ACTA2: variants seen among roughly 807,000 people sequenced by gnomAD.
ACTA2 encodes the protein actin alpha 2, smooth muscle.
A neutral mutation model predicts 39.5 loss-of-function variants in ACTA2; 12 were observed. That is an observed-to-expected ratio of 0.30 (90% CI 0.19 to 0.49). The LOEUF (loss-of-function observed/expected upper bound fraction) is 0.49. ACTA2 is among the 20% of genes least tolerant of loss of function. The probability of loss-of-function intolerance (pLI) is 0.99; values close to 1 mark genes in which losing one functional copy is unlikely to be tolerated. For synonymous variants in ACTA2, 158 were observed against 180.6 expected (o/e 0.88, Z 1.00); for missense variants, 236 against 498.8 (o/e 0.47, Z 5.02).
intron 2 of ACTA2, among the ~76,000 whole-genome samples, chr10:88,947,659 T>C (rs1248097526): frequency 2.0e-5 from 3 of 152,236 alleles, no homozygotes; most frequent in South Asian, 4.1e-4. Flanking sequence ...GATGAGCTTT[T>C]TTAGGGCAGA....
chr10:88,950,224 T>C (rs754761704), intron 1 of ACTA2, among the ~76,000 whole-genome samples: 9 of 152,178 alleles, frequency 5.9e-5, no homozygotes, highest in Non-Finnish European at 1.2e-4. Context: ...CACAATTAGG[T>C]CGAAATGTTC....
At chr10:88,987,121 A>C (rs1471397775) in intron 1 of ACTA2, among the ~76,000 whole-genome samples, 1 of 152,226 alleles carries the variant, frequency 6.6e-6, no homozygotes, top group Non-Finnish European at 1.5e-5. Context: ...AGACTTTGTC[A>C]CTTGGCCACT....
chr10:88,938,408 C>T, intron 7 of ACTA2, 166 bp from the exon 8 acceptor site: 1 of 723,684 alleles, frequency 1.4e-6, no homozygotes, highest in Non-Finnish European at 2.4e-6. Flanking sequence ...TTGTTATGCT[C>T]TATGTCTTCC....
chr10:88,978,352 A>G (rs990949870), intron 1 of ACTA2, among the ~76,000 whole-genome samples: 1 of 151,678 alleles, frequency 6.6e-6, no homozygotes, highest in Non-Finnish European at 1.5e-5. Flanking sequence ...ATACATATGT[A>G]ACTAACCTGC....
At chr10:88,956,535 A>G (rs1820584395), upstream of ACTA2, among the ~76,000 whole-genome samples, 1 of 152,180 alleles carries the variant, frequency 6.6e-6, no homozygotes, top group Non-Finnish European at 1.5e-5. Flanking sequence ...CTGCAAAGTC[A>G]CCATTTTGTG....
chr10:88,945,653 CA>C (rs1286235887), intron 3 of ACTA2, among the ~76,000 whole-genome samples: 1 of 152,154 alleles, frequency 6.6e-6, no homozygotes, highest in Non-Finnish European at 1.5e-5. Flanking sequence ...TAATGCAACA[CA>C]GATAAATAAT....
chr10:88,948,991 T>G, intron 1 of ACTA2, 38 bp from the exon 2 acceptor site: 1 of 1,608,650 alleles, frequency 6.2e-7, no homozygotes, highest in South Asian at 1.1e-5. Flanking sequence ...CAGCTGTAAT[T>G]GGGCATTTGT....
intron 1 of ACTA2, among the ~76,000 whole-genome samples, chr10:88,988,289 C>T (rs1237199097): frequency 6.6e-6 from 1 of 152,048 alleles, no homozygotes; most frequent in Non-Finnish European, 1.5e-5. Flanking sequence ...TGGATATACA[C>T]TATAGCTGGG....
At chr10:88,975,991 T>C (rs979553327) in intron 1 of ACTA2, among the ~76,000 whole-genome samples, 71 of 152,342 alleles carry the variant, frequency 4.7e-4, no homozygotes, top group African/African-American at 1.7e-3. Context: ...TCTTTCAAGT[T>C]TGAGGCAAGG....
At chr10:88,972,786 G>A (rs147791165) in intron 1 of ACTA2, among the ~76,000 whole-genome samples, 303 of 152,062 alleles carry the variant, frequency 2.0e-3, no homozygotes, top group African/African-American at 6.7e-3. Context: ...TTTTCTCTGC[G>A]TTGTTTCTAG....
At chr10:88,940,709 C>A in intron 6 of ACTA2, 1 of 210,122 alleles carries the variant, frequency 4.8e-6, no homozygotes, top group Non-Finnish European at 9.8e-6. Flanking sequence ...CTGTTAATAG[C>A]TAACAATTAT....
exon 1 of ACTA2, chr10:88,991,175 T>A: frequency 1.7e-6 from 1 of 582,984 alleles, no homozygotes; most frequent in Non-Finnish European, 3.1e-6. Context: ...GCGGGGCAGC[T>A]CCGGCGCTCC....
At chr10:88,943,989 A>G (rs1845903258) in intron 3 of ACTA2, 82 bp from the exon 4 acceptor site, 3 of 1,256,160 alleles carry the variant, frequency 2.4e-6, no homozygotes, top group Non-Finnish European at 3.5e-6. Context: ...ACCAGAAGCT[A>G]CTTGAAACCA....
chr10:88,953,713 G>A (rs566593317), upstream of ACTA2, among the ~76,000 whole-genome samples: 16 of 152,302 alleles, frequency 1.1e-4, no homozygotes, highest in African/African-American at 3.8e-4. Flanking sequence ...GGTGGGAGGT[G>A]ACTGGATCAT....
At position 88,935,663 on chromosome 10, in the gene ACTA2, C is replaced by T. The variant is rs566245731; in HGVS notation, c.991-297G>A. 397 of 367,070 alleles carry T rather than the reference C, an allele frequency of 1.1e-3. 3 individuals are homozygous for T. Among genetic ancestry groups the T allele is most frequent in the African/African-American group, 7.4e-3 (354 of 47,778 alleles). The allele number at this position is 367,070 out of a possible 1,614,324, so 22.7% of individuals were successfully genotyped here. On this transcript the variant is annotated intron_variant, in intron 8 of 8. Transcript: ENST00000224784. ...GCTCCAAATCCAGCCATGGCCCCCA[C>T]TTAAGAACCCTGGCAATGCCTCTGA...
At chr10:88,977,482 G>A (rs904343081) in intron 1 of ACTA2, among the ~76,000 whole-genome samples, 10 of 151,958 alleles carry the variant, frequency 6.6e-5, no homozygotes, top group South Asian at 2.1e-4. Flanking sequence ...GTAGATATGC[G>A]GCGTTCAACC....
chr10:88,983,188 T>C (rs1265230367), intron 1 of ACTA2, among the ~76,000 whole-genome samples: 1 of 152,216 alleles, frequency 6.6e-6, no homozygotes, highest in Non-Finnish European at 1.5e-5. Context: ...TGCATGGCTA[T>C]GTGAGCTATG....
At chr10:88,978,269 G>GTC (rs1846621275) in intron 1 of ACTA2, among the ~76,000 whole-genome samples, 1 of 115,760 alleles carries the variant, frequency 8.6e-6, no homozygotes, top group Non-Finnish European at 1.7e-5. Context: ...GGAGGGGGGA[G>GTC]GGATAGCATC....
chr10:88,936,997 G>A (rs1845753516), intron 8 of ACTA2, among the ~76,000 whole-genome samples: 1 of 152,006 alleles, frequency 6.6e-6, no homozygotes, highest in Non-Finnish European at 1.5e-5. Flanking sequence ...TTCTGTTATC[G>A]ACCCTCATGA....
Sources: gnomAD v4.1 joint callset for allele counts (sites outside exome capture counted in the v4.1 genomes callset) on GRCh38, gnomAD v4.1.1 for gene constraint, MANE v1.5 for transcripts, NCBI Gene and HGNC (gene_info 2026-07-23, HGNC 2026-07-21) for gene names.